Variants in POF1B observed in about 807,000 individuals in gnomAD.
POF1B encodes protein POF1B.
POF1B carries 53 observed loss-of-function variants against 55.3 expected under a neutral mutation model. That is an observed-to-expected ratio of 0.96 (90% CI 0.77 to 1.20). POF1B has a LOEUF of 1.20. Ranked by LOEUF, POF1B falls within the 50% of genes most tolerant of loss-of-function variation. The pLI, the probability that POF1B is intolerant of heterozygous loss-of-function variation, is 0.00. For missense variants in POF1B, 478 were observed against 420.5 expected (o/e 1.14, Z -1.20); for synonymous variants, 188 against 148.3 (o/e 1.27, Z -1.95).
At chrX:85,330,361 T>C (rs1406375951) in intron 7 of POF1B, among the ~76,000 whole-genome samples, 1 of 111,567 alleles carries the variant, frequency 9.0e-6, no homozygotes. Context: ...ATGTGACATA[T>C]CAAATATATT....
Position 85,294,012 on chromosome X carries a change from A to T in POF1B, c.1649+9394T>A, listed in dbSNP as rs751834173. Among the ~76,000 whole-genome samples the T allele has an allele frequency of 2.7e-5, 3 of 110,558 alleles. No individual in the cohort carries two copies. In the East Asian group the frequency reaches 8.6e-4, roughly 32 times the overall value. On this transcript the variant is annotated intron_variant, in intron 15 of 16. Coordinates refer to ENST00000262753, the MANE Select transcript of POF1B (RefSeq NM_024921.4). The stretch of plus-strand genomic sequence containing the variant: ...ATAAAGAAGAAGAAGAAGGAGAAGG[A>T]GGAGGAGAGGAACATTTAAAAAGAA...
At chrX:85,312,773 C>A (rs186672615) in intron 9 of POF1B, among the ~76,000 whole-genome samples, 53 of 111,515 alleles carry the variant, frequency 4.8e-4, no homozygotes, top group African/African-American at 1.7e-3. Flanking sequence ...AGCTGTATGG[C>A]CATTTTCAAG....
In POF1B at chrX:85,373,018, TAGGATTATTTCTG is replaced by T. The variant is rs1933858647; in HGVS notation, c.283-5265_283-5253del. 2.7e-5 allele frequency among the ~76,000 whole-genome samples: 3 copies of T among 109,964 alleles called. No individual in the cohort carries two copies. The Admixed American group carries it at 2.9e-4, about 11-fold the overall frequency. On this transcript the variant is annotated intron_variant, in intron 2 of 16. Transcript: ENST00000262753. ...AAAACTTAATATATACCCTGAATTCTAGGATTATTTCTGAGCAAGACCTTGAAAACTAGAGGGA... is the reference window on the plus strand; with the variant it reads ...AAAACTTAATATATACCCTGAATTCTAGCAAGACCTTGAAAACTAGAGGGA...
chrX:85,313,083 G>A (rs1033813382), intron 9 of POF1B, among the ~76,000 whole-genome samples: 1 of 111,565 alleles, frequency 9.0e-6, no homozygotes, highest in African/African-American at 3.3e-5. Context: ...GGGTTGAGAC[G>A]ATGGGGTTTT....
At chrX:85,341,506 G>A (rs146926474) in intron 6 of POF1B, among the ~76,000 whole-genome samples, 126 of 111,197 alleles carry the variant, frequency 1.1e-3, no homozygotes, top group African/African-American at 3.9e-3. Context: ...ATAGTAAGAG[G>A]TTGCAGAGGT....
At chrX:85,337,806 A>G (rs1404216861) in intron 6 of POF1B, among the ~76,000 whole-genome samples, 2 of 111,938 alleles carry the variant, frequency 1.8e-5, no homozygotes, top group Admixed American at 9.5e-5. Context: ...AGTTAAGTAA[A>G]TTGCTTAACT....
At chrX:85,335,999 C>A (rs183171183) in intron 6 of POF1B, among the ~76,000 whole-genome samples, 3 of 109,783 alleles carry the variant, frequency 2.7e-5, no homozygotes, top group Admixed American at 2.0e-4. Context: ...CTCTCTCACC[C>A]CCGCCCCACT....
intron 9 of POF1B, among the ~76,000 whole-genome samples, chrX:85,314,037 T>A (rs57648807): frequency 0.21 from 23,549 of 109,643 alleles, 2,473 homozygotes; most frequent in African/African-American, 0.4. Flanking sequence ...GGATCAGTGG[T>A]GACATCCCCT....
intron 6 of POF1B, among the ~76,000 whole-genome samples, chrX:85,333,995 T>A (rs1411185271): frequency 4.5e-5 from 5 of 110,761 alleles, no homozygotes; most frequent in African/African-American, 1.6e-4. Flanking sequence ...CATCTATTGT[T>A]AAGTCAGGAC....
intron 9 of POF1B, among the ~76,000 whole-genome samples, chrX:85,314,181 G>C (rs914720064): frequency 9.0e-6 from 1 of 110,854 alleles, no homozygotes; most frequent in African/African-American, 3.3e-5. Context: ...GTACTAAAGC[G>C]CTGAGGAGTG....
chrX:85,359,657 A>G (rs774213176), intron 3 of POF1B, 27 bp from the exon 4 acceptor site: 5 of 1,054,343 alleles, frequency 4.7e-6, no homozygotes, highest in Non-Finnish European at 6.6e-6. Flanking sequence ...AAAGCTGGAT[A>G]TAATCATAGT....
At chrX:85,306,365 T>C (rs760282121) in intron 11 of POF1B, 32 bp from the exon 12 acceptor site, 17 of 1,176,605 alleles carry the variant, frequency 1.4e-5, no homozygotes, top group Non-Finnish European at 1.8e-5. Flanking sequence ...ATAAGACAAA[T>C]GCATTTTGTT....
At chrX:85,292,432 G>A (rs1007808214) in intron 15 of POF1B, among the ~76,000 whole-genome samples, 1 of 111,424 alleles carries the variant, frequency 9.0e-6, no homozygotes, top group Non-Finnish European at 1.9e-5. Context: ...TTTGATATCA[G>A]GATGATGCTG....
At chrX:85,364,002 G>T (rs927078402) in intron 3 of POF1B, among the ~76,000 whole-genome samples, 1 of 111,784 alleles carries the variant, frequency 8.9e-6, no homozygotes, top group Admixed American at 9.5e-5. Context: ...ATTATGTAAT[G>T]CCCTTCTTTG....
intron 2 of POF1B, among the ~76,000 whole-genome samples, chrX:85,376,933 A>AAAAACAAAAC (rs374509714): frequency 9.0e-6 from 1 of 111,532 alleles, no homozygotes; most frequent in African/African-American, 3.3e-5. Context: ...CCAAAAGGCA[A>AAAAACAAAAC]AAAACAAAAC....
chrX:85,370,774 A>C (rs1933806955), intron 2 of POF1B, among the ~76,000 whole-genome samples: 1 of 111,446 alleles, frequency 9.0e-6, no homozygotes, highest in South Asian at 3.8e-4. Context: ...ATTCCATAGA[A>C]AGTGATCCAA....
At chrX:85,376,159 C>A (rs1024531688) in intron 2 of POF1B, among the ~76,000 whole-genome samples, 2 of 111,172 alleles carry the variant, frequency 1.8e-5, no homozygotes, top group African/African-American at 3.3e-5. Flanking sequence ...TATTTTAATC[C>A]ATTTTTTCTC....
At chrX:85,329,742 G>A (rs982311660) in intron 7 of POF1B, among the ~76,000 whole-genome samples, 2 of 108,674 alleles carry the variant, frequency 1.8e-5, no homozygotes, top group African/African-American at 6.7e-5. Context: ...AGTTGAGGGT[G>A]ACAGTAAGAT....
intron 4 of POF1B, among the ~76,000 whole-genome samples, chrX:85,352,293 C>A (rs1403864583): frequency 9.0e-6 from 1 of 110,510 alleles, no homozygotes; most frequent in Non-Finnish European, 1.9e-5. Flanking sequence ...TTCTACAAAA[C>A]AAAATTTGCA....
Sources: gnomAD v4.1 joint callset for allele counts (sites outside exome capture counted in the v4.1 genomes callset) on GRCh38, gnomAD v4.1.1 for gene constraint, MANE v1.5 for transcripts, NCBI Gene and HGNC (gene_info 2026-07-23, HGNC 2026-07-21) for gene names.